FREM1: variants seen among roughly 807,000 people sequenced by gnomAD.
FREM1 encodes FRAS1-related extracellular matrix protein 1.
In FREM1, 220 loss-of-function variants were observed where a neutral mutation model predicts 210.1. The ratio of observed to expected loss-of-function variants is 1.05; its 90% CI spans 0.94 to 1.17. FREM1 has a LOEUF of 1.17. FREM1 is among the 50% of genes most tolerant of loss of function. The pLI is 0.00. For synonymous variants in FREM1, 1,189 were observed against 980.2 expected, an observed-to-expected ratio of 1.21 and a Z score of -3.98; for missense variants, 3,454 against 2,675.5, an observed-to-expected ratio of 1.29 and a Z score of -6.42.
At chr9:14,901,688 T>C (rs1838811147) in intron 1 of FREM1, among the ~76,000 whole-genome samples, 1 of 152,234 alleles carries the variant, frequency 6.6e-6, no homozygotes, top group Non-Finnish European at 1.5e-5. Flanking sequence ...TCATCTGAAC[T>C]AAAGATAAAC....
At chr9:14,775,195 T>G (rs1587881484) in intron 25 of FREM1, among the ~76,000 whole-genome samples, 1 of 152,332 alleles carries the variant, frequency 6.6e-6, no homozygotes, top group East Asian at 1.9e-4. Context: ...AAGAACTCTT[T>G]AAGGTCAGAC....
chr9:14,884,745 C>G (rs2132231707), intron 1 of FREM1, among the ~76,000 whole-genome samples: 1 of 152,156 alleles, frequency 6.6e-6, no homozygotes, highest in Admixed American at 6.5e-5. Flanking sequence ...GTACAGCTCT[C>G]AATGCAATGG....
intron 10 of FREM1, among the ~76,000 whole-genome samples, chr9:14,837,594 G>A (rs892179938): frequency 1.3e-5 from 2 of 152,144 alleles, no homozygotes; most frequent in African/African-American, 4.8e-5. Flanking sequence ...TCTCTTTGAA[G>A]GCACAATAAC....
intron 27 of FREM1, among the ~76,000 whole-genome samples, chr9:14,762,984 T>C (rs1845780498): frequency 6.6e-6 from 1 of 152,120 alleles, no homozygotes; most frequent in Admixed American, 6.5e-5. Context: ...GATGTGTAGG[T>C]GTCATGTAGA....
At chr9:14,825,547 G>GTATATATATA (rs372128983) in intron 10 of FREM1, among the ~76,000 whole-genome samples, 2 of 75,922 alleles carry the variant, frequency 2.6e-5, no homozygotes, top group Non-Finnish European at 2.5e-5. Flanking sequence ...GTGTGTGTGT[G>GTATATATATA]TATATATATA....
At chr9:14,877,922 A>G (rs1834069851) in intron 1 of FREM1, among the ~76,000 whole-genome samples, 1 of 152,150 alleles carries the variant, frequency 6.6e-6, no homozygotes, top group African/African-American at 2.4e-5. Context: ...TAAAAAGTTA[A>G]TACACTCTTC....
At chr9:14,750,989 C>A (rs144609890) in intron 29 of FREM1, among the ~76,000 whole-genome samples, 48 of 152,218 alleles carry the variant, frequency 3.2e-4, no homozygotes, top group African/African-American at 8.7e-4. Flanking sequence ...ACAAACATAT[C>A]CCAGCCATCC....
chr9:14,887,367 C>T (rs1356693070), intron 1 of FREM1, among the ~76,000 whole-genome samples: 1 of 152,230 alleles, frequency 6.6e-6, no homozygotes, highest in Non-Finnish European at 1.5e-5. Flanking sequence ...CTCGGGCATT[C>T]TGGCCAAGTG....
At chr9:14,868,123 A>C (rs559526179) in intron 2 of FREM1, among the ~76,000 whole-genome samples, 4 of 152,340 alleles carry the variant, frequency 2.6e-5, no homozygotes, top group African/African-American at 9.6e-5. Context: ...AAAAATGTTT[A>C]AGTGATGTTA....
At chr9:14,897,866 T>G (rs1025186994) in intron 1 of FREM1, among the ~76,000 whole-genome samples, 23 of 152,224 alleles carry the variant, frequency 1.5e-4, no homozygotes, top group African/African-American at 5.5e-4. Context: ...AGTGCTGGGA[T>G]TATAGGCATG....
chr9:14,815,660 T>G (rs148979208), intron 15 of FREM1, among the ~76,000 whole-genome samples: 1 of 152,142 alleles, frequency 6.6e-6, no homozygotes, highest in Non-Finnish European at 1.5e-5. Context: ...TCAAATTGTT[T>G]TTTTTGAGTC....
intron 1 of FREM1, among the ~76,000 whole-genome samples, chr9:14,880,601 C>CAAAAAAAAAAAAAAAAAAAAAAAAA (rs35625770): frequency 1.3e-5 from 1 of 75,586 alleles, no homozygotes. Context: ...GAGACTGTCT[C>CAAAAAAAAAAAAAAAAAAAAAAAAA]AAAAAAAAAA....
chr9:14,755,340 C>T (rs1259871429), intron 29 of FREM1, among the ~76,000 whole-genome samples: 1 of 152,182 alleles, frequency 6.6e-6, no homozygotes. Context: ...TTTTCTTTTG[C>T]CTTTGCTCAA....
intron 21 of FREM1, among the ~76,000 whole-genome samples, chr9:14,797,285 A>C (rs986684460): frequency 6.6e-6 from 1 of 152,230 alleles, no homozygotes; most frequent in African/African-American, 2.4e-5. Context: ...GTTTAGAAGA[A>C]AATCAAGTAA....
intron 1 of FREM1, among the ~76,000 whole-genome samples, chr9:14,908,841 G>A (rs1219330741): frequency 6.6e-6 from 1 of 152,150 alleles, no homozygotes; most frequent in African/African-American, 2.4e-5. Flanking sequence ...CTGAGAACCT[G>A]CCTTTCACCA....
At chr9:14,842,696 A>T in intron 8 of FREM1, 36 bp from the exon 9 acceptor site, 1 of 1,487,232 alleles carries the variant, frequency 6.7e-7, no homozygotes. Context: ...AGATTGAGCA[A>T]GGGAGTGCAG....
intron 35 of FREM1, among the ~76,000 whole-genome samples, chr9:14,743,133 T>TA (rs1841860479): frequency 6.6e-6 from 1 of 152,078 alleles, no homozygotes; most frequent in Admixed American, 6.6e-5. Flanking sequence ...CAGGCTAATA[T>TA]AAAAGGGTCA....
chr9:14,878,477 T>C (rs1475034941), intron 1 of FREM1, among the ~76,000 whole-genome samples: 2 of 152,178 alleles, frequency 1.3e-5, no homozygotes, highest in Admixed American at 1.3e-4. Flanking sequence ...CCATTAGAAT[T>C]ATGTCAGTCT....
intron 25 of FREM1, among the ~76,000 whole-genome samples, chr9:14,773,067 T>A (rs187494005): frequency 1.7e-4 from 26 of 152,318 alleles, no homozygotes; most frequent in Admixed American, 1.7e-3. Flanking sequence ...TGGCTTAGTA[T>A]CCCAGAAGCA....
Sources: allele counts gnomAD v4.1 joint callset (sites outside exome capture counted in the v4.1 genomes callset), GRCh38; gene constraint gnomAD v4.1.1; transcripts MANE v1.5; gene names NCBI Gene and HGNC (gene_info 2026-07-23, HGNC 2026-07-21).